The following GALNTL6 variants were observed in gnomAD, a reference collection of about 807,000 sequenced individuals.
The protein encoded by GALNTL6 is polypeptide N-acetylgalactosaminyltransferase-like 6.
Under a neutral mutation model 73.7 loss-of-function variants are expected in GALNTL6, and 46 were observed. The ratio of observed to expected loss-of-function variants is 0.62; its 90% confidence interval spans 0.49 to 0.80. The LOEUF is 0.80. Among genes scored for constraint, GALNTL6 ranks in the 30% least tolerant of loss-of-function variants. GALNTL6 has a pLI of 0.00. For synonymous variants in GALNTL6, 259 were observed against 263.7 expected, an observed-to-expected ratio of 0.98 and a Z score of 0.17; for missense variants, 604 against 755.0, an observed-to-expected ratio of 0.80 and a Z score of 2.34.
chr4:172,045,775 AG>A (rs1024906606), intron 2 of GALNTL6, among the ~76,000 whole-genome samples: 1 of 151,364 alleles, frequency 6.6e-6, no homozygotes, highest in Non-Finnish European at 1.5e-5. Flanking sequence ...AAAAAAAAAA[AG>A]AAAAAAGAAA....
chr4:172,535,985 A>G (rs891387948), intron 5 of GALNTL6, among the ~76,000 whole-genome samples: 1 of 152,180 alleles, frequency 6.6e-6, no homozygotes, highest in East Asian at 1.9e-4. Flanking sequence ...AGTGGGTGGT[A>G]ATTAAATCAT....
chr4:172,438,030 G>A (rs191309710), intron 5 of GALNTL6, among the ~76,000 whole-genome samples: 2 of 152,152 alleles, frequency 1.3e-5, no homozygotes, highest in East Asian at 3.9e-4. Flanking sequence ...TGCAAGTTGT[G>A]TTATCAATGG....
At position 172,343,107 on chromosome 4, in the gene GALNTL6, T is replaced by C. The variant is rs77699075; in HGVS notation, c.387-5416T>C. 3.4e-3 allele frequency among the ~76,000 whole-genome samples: 524 copies of C among 152,318 alleles called. 2 individuals carry two copies. The highest frequency in any genetic ancestry group is 0.012 in the African/African-American group (486 of 41,574). ...TTTGGGGGTGGTCATTACCACCATA[T>C]AACCTCCTGACTATTGTTATAAGTA... is the stretch of plus-strand genomic sequence containing the variant. On this transcript the variant is annotated intron_variant, in intron 4 of 12. Coordinates refer to ENST00000506823, the MANE Select transcript of GALNTL6 (RefSeq NM_001034845.3).
chr4:172,500,673 A>C (rs1734231457), intron 5 of GALNTL6, among the ~76,000 whole-genome samples: 1 of 152,098 alleles, frequency 6.6e-6, no homozygotes, highest in African/African-American at 2.4e-5. Context: ...CAGCTTAAGG[A>C]AGTTTTTTTT....
intron 5 of GALNTL6, among the ~76,000 whole-genome samples, chr4:172,390,289 A>G (rs1743616089): frequency 6.6e-6 from 1 of 152,230 alleles, no homozygotes; most frequent in Non-Finnish European, 1.5e-5. Flanking sequence ...TTTATGAAAT[A>G]GAGCCACTAT....
At chr4:172,860,964 C>G (rs1007270932) in intron 7 of GALNTL6, among the ~76,000 whole-genome samples, 1 of 152,118 alleles carries the variant, frequency 6.6e-6, no homozygotes, top group Non-Finnish European at 1.5e-5. Flanking sequence ...TCCCATATGG[C>G]CTCTTCCTAT....
intron 10 of GALNTL6, among the ~76,000 whole-genome samples, chr4:173,004,535 A>C (rs1342776726): frequency 6.6e-6 from 1 of 152,158 alleles, no homozygotes; most frequent in Non-Finnish European, 1.5e-5. Context: ...CTGAGGCAGG[A>C]AGATTGCTTG....
chr4:172,281,562 T>A (rs1329894683), intron 3 of GALNTL6, among the ~76,000 whole-genome samples: 2 of 151,620 alleles, frequency 1.3e-5, no homozygotes, highest in East Asian at 1.9e-4. Context: ...AGAAAAAAAA[T>A]TAGCCAGGCA....
intron 10 of GALNTL6, among the ~76,000 whole-genome samples, chr4:173,005,448 G>C (rs1752233537): frequency 6.6e-6 from 1 of 152,068 alleles, no homozygotes; most frequent in Non-Finnish European, 1.5e-5. Context: ...GTATGTGTGT[G>C]AACTGCTTCA....
At chr4:171,946,806 ATGTTAGAGGGACAGAGAGGGG>A in intron 2 of GALNTL6, among the ~76,000 whole-genome samples, 1 of 151,610 alleles carries the variant, frequency 6.6e-6, no homozygotes, top group Admixed American at 6.7e-5. Context: ...AGGATTTGGC[ATGTTAGAGGGACAGAGAGGGG>A]CCAGAAGAGA....
At chr4:172,476,922 CTTT>C (rs149479550) in intron 5 of GALNTL6, among the ~76,000 whole-genome samples, 8 of 113,348 alleles carry the variant, frequency 7.1e-5, no homozygotes, top group Admixed American at 1.9e-4. Context: ...GCTTAAGAGA[CTTT>C]TTTTTTTTTT....
intron 2 of GALNTL6, among the ~76,000 whole-genome samples, chr4:172,050,781 T>A (rs1730835532): frequency 6.6e-6 from 1 of 152,170 alleles, no homozygotes; most frequent in African/African-American, 2.4e-5. Context: ...AAGATTTTTC[T>A]TTAATTCTAT....
At chr4:171,978,773 T>C (rs1338422535) in intron 2 of GALNTL6, among the ~76,000 whole-genome samples, 1 of 152,124 alleles carries the variant, frequency 6.6e-6, no homozygotes, top group Non-Finnish European at 1.5e-5. Flanking sequence ...AAAAAAGATG[T>C]AAAACTAAAA....
chr4:172,344,157 AC>A (rs1188421935), intron 4 of GALNTL6, among the ~76,000 whole-genome samples: 1 of 152,166 alleles, frequency 6.6e-6, no homozygotes, highest in African/African-American at 2.4e-5. Flanking sequence ...ACTTTATTTT[AC>A]TTATTAAAGT....
chr4:172,056,335 C>G (rs1002479650), intron 2 of GALNTL6, among the ~76,000 whole-genome samples: 1 of 152,096 alleles, frequency 6.6e-6, no homozygotes, highest in Non-Finnish European at 1.5e-5. Flanking sequence ...GTGTAGCATT[C>G]TTTCGTATAT....
chr4:172,023,242 T>A (rs531683857), intron 2 of GALNTL6, among the ~76,000 whole-genome samples: 2 of 151,788 alleles, frequency 1.3e-5, no homozygotes, highest in East Asian at 1.9e-4. Flanking sequence ...TCTGATATAG[T>A]GTGTTTAGTG....
At chr4:171,858,347 G>A (rs922966631) in intron 2 of GALNTL6, among the ~76,000 whole-genome samples, 2 of 152,024 alleles carry the variant, frequency 1.3e-5, no homozygotes, top group Non-Finnish European at 2.9e-5. Context: ...GGAGTTTTGA[G>A]TCATTTTTCT....
chr4:171,976,689 T>C (rs1579023930), intron 2 of GALNTL6, among the ~76,000 whole-genome samples: 1 of 152,190 alleles, frequency 6.6e-6, no homozygotes, highest in East Asian at 1.9e-4. Context: ...TAAAGAGATA[T>C]GTGGTCATAT....
At chr4:171,814,967 T>C (rs1245112365) in intron 2 of GALNTL6, 3 of 561,378 alleles carry the variant, frequency 5.3e-6, no homozygotes, top group Non-Finnish European at 9.4e-6. Flanking sequence ...AAGATAATCT[T>C]TCACCATTGG....
Sources: gnomAD v4.1 joint callset for allele counts (sites outside exome capture counted in the v4.1 genomes callset) on GRCh38, gnomAD v4.1.1 for gene constraint, MANE v1.5 for transcripts, NCBI Gene and HGNC (gene_info 2026-07-23, HGNC 2026-07-21) for gene names.